PIK3C2G: variants seen among roughly 807,000 people sequenced by gnomAD.
PIK3C2G encodes the protein phosphatidylinositol-4-phosphate 3-kinase catalytic subunit type 2 gamma.
A neutral mutation model predicts 181.1 loss-of-function variants in PIK3C2G; 168 were observed. That is an observed-to-expected ratio of 0.93 (90% CI 0.82 to 1.05). The LOEUF is 1.05. Ranked by LOEUF, PIK3C2G falls within the 50% of genes least tolerant of loss-of-function variation. The probability of loss-of-function intolerance (pLI) is 0.00; values close to 1 mark genes in which losing one functional copy is unlikely to be tolerated. For missense variants in PIK3C2G, 1,869 were observed against 1,732.8 expected (o/e 1.08, Z -1.40); for synonymous variants, 573 against 592.2 (o/e 0.97, Z 0.47).
intron 26 of PIK3C2G, among the ~76,000 whole-genome samples, chr12:18,546,920 G>C (rs1944461398): frequency 6.6e-6 from 1 of 151,940 alleles, no homozygotes; most frequent in Non-Finnish European, 1.5e-5. Context: ...GTAAGAATCT[G>C]GGCAGAATAT....
At chr12:18,485,506 C>T (rs780265859) in intron 18 of PIK3C2G, among the ~76,000 whole-genome samples, 1 of 152,172 alleles carries the variant, frequency 6.6e-6, no homozygotes, top group Non-Finnish European at 1.5e-5. Flanking sequence ...AAACTTAATA[C>T]TGTCAAAATC....
At chr12:18,308,014 G>A (rs2137355446) in intron 5 of PIK3C2G, among the ~76,000 whole-genome samples, 1 of 151,924 alleles carries the variant, frequency 6.6e-6, no homozygotes, top group Middle Eastern at 3.4e-3. Flanking sequence ...TGAAAATCTA[G>A]TGTGTATTTT....
chr12:18,243,774 A>G (rs987598041), upstream of PIK3C2G, among the ~76,000 whole-genome samples: 1 of 151,982 alleles, frequency 6.6e-6, no homozygotes, highest in African/African-American at 2.4e-5. Flanking sequence ...TAAATGTGAC[A>G]CCCAGCTTCA....
At chr12:18,719,953 C>A in the PIK3C2G span, among the ~76,000 whole-genome samples, 1 of 152,050 alleles carries the variant, frequency 6.6e-6, no homozygotes, top group Admixed American at 6.6e-5. Context: ...GACTGGCACA[C>A]AGGTTGAGGA....
chr12:18,571,841 C>A (rs1415670061), intron 29 of PIK3C2G, among the ~76,000 whole-genome samples: 1 of 150,716 alleles, frequency 6.6e-6, no homozygotes, highest in African/African-American at 2.5e-5. Context: ...ATTATTTACA[C>A]TTGCTACTGT....
intron 7 of PIK3C2G, among the ~76,000 whole-genome samples, chr12:18,323,711 C>T (rs1367368935): frequency 6.6e-6 from 1 of 151,990 alleles, no homozygotes; most frequent in African/African-American, 2.4e-5. Flanking sequence ...CTCAGAACAC[C>T]GTATTGGATC....
chr12:18,458,269 T>A (rs1947735762), intron 18 of PIK3C2G, among the ~76,000 whole-genome samples: 1 of 152,164 alleles, frequency 6.6e-6, no homozygotes, highest in African/African-American at 2.4e-5. Flanking sequence ...AATGTTAGTG[T>A]GAAGCAATAA....
chr12:18,449,557 CT>C (rs768828965), intron 18 of PIK3C2G, among the ~76,000 whole-genome samples: 1 of 152,008 alleles, frequency 6.6e-6, no homozygotes, highest in Non-Finnish European at 1.5e-5. Context: ...GGTATTTGGT[CT>C]CCTGTTCCTG....
the PIK3C2G span, chr12:18,688,181 G>A: frequency 0.042 from 66,849 of 1,610,542 alleles, 1,650 homozygotes; most frequent in Non-Finnish European, 0.049. Context: ...TTTGTTAGAT[G>A]ATGAATGAGT....
At chr12:18,244,854 AAAG>A (rs1355854036), upstream of PIK3C2G, among the ~76,000 whole-genome samples, 2 of 152,238 alleles carry the variant, frequency 1.3e-5, no homozygotes, top group East Asian at 1.9e-4. Flanking sequence ...GGCATCTTAA[AAAG>A]AAGAAGGCAC....
intron 18 of PIK3C2G, among the ~76,000 whole-genome samples, chr12:18,470,850 A>C (rs1488700040): frequency 6.6e-6 from 1 of 152,186 alleles, no homozygotes; most frequent in African/African-American, 2.4e-5. Flanking sequence ...TAGTTTCAAA[A>C]ATCAAAATTA....
chr12:18,463,206 G>T (rs947253817), intron 18 of PIK3C2G, among the ~76,000 whole-genome samples: 1 of 151,958 alleles, frequency 6.6e-6, no homozygotes, highest in Admixed American at 6.6e-5. Context: ...TATATCCTAC[G>T]TACCAAAATT....
chr12:18,667,876 C>T, the PIK3C2G span, among the ~76,000 whole-genome samples: 2 of 152,108 alleles, frequency 1.3e-5, no homozygotes, highest in Non-Finnish European at 2.9e-5. Flanking sequence ...AGATTCTGCC[C>T]ATGGTTCTAG....
At chr12:18,399,275 A>G (rs1405484064) in intron 15 of PIK3C2G, among the ~76,000 whole-genome samples, 1 of 151,740 alleles carries the variant, frequency 6.6e-6, no homozygotes, top group Admixed American at 6.6e-5. Context: ...AAAAATAAGA[A>G]AGTAAACGGT....
intron 16 of PIK3C2G, among the ~76,000 whole-genome samples, chr12:18,403,307 A>C (rs1944355250): frequency 6.6e-6 from 1 of 152,186 alleles, no homozygotes; most frequent in South Asian, 2.1e-4. Context: ...CACACTGGAA[A>C]GTTTCTTATC....
chr12:18,629,026 C>A (rs1425724170), intron 31 of PIK3C2G, among the ~76,000 whole-genome samples: 2 of 152,146 alleles, frequency 1.3e-5, no homozygotes, highest in African/African-American at 4.8e-5. Context: ...GTAACAAGAG[C>A]ATTTACATAT....
rs183348350 is a variant in PIK3C2G, at chr12:18,338,643, G to A, written c.1395+95G>A. On this transcript the variant is annotated intron_variant, in intron 9 of 32. Transcript: ENST00000538779. ...ACTTTTTACTAACAACTATATTTCCGTGTGTATGTTTGTGTGTATCTGTGT... is the reference window on the plus strand; with the variant it reads ...ACTTTTTACTAACAACTATATTTCCATGTGTATGTTTGTGTGTATCTGTGT... The A allele has an allele frequency of 4.4e-4, 361 of 814,924 alleles. No individual in the cohort carries two copies. In the Admixed American group the frequency reaches 5.1e-3, roughly 11 times the overall value. The allele number at this position is 814,924 out of a possible 1,614,324, so 50.5% of individuals were successfully genotyped here.
chr12:18,654,486 TGTG>T, the PIK3C2G span, among the ~76,000 whole-genome samples: 1 of 152,080 alleles, frequency 6.6e-6, no homozygotes, highest in Non-Finnish European at 1.5e-5. Flanking sequence ...GTTAAGAAAA[TGTG>T]GTCCGATTTC....
chr12:18,669,315 T>A, the PIK3C2G span, among the ~76,000 whole-genome samples: 1 of 152,138 alleles, frequency 6.6e-6, no homozygotes, highest in Non-Finnish European at 1.5e-5. Flanking sequence ...ATATGTGTGG[T>A]CTCTTGTATT....
Sources: gnomAD v4.1 joint callset for allele counts (sites outside exome capture counted in the v4.1 genomes callset) on GRCh38, gnomAD v4.1.1 for gene constraint, MANE v1.5 for transcripts, NCBI Gene and HGNC (gene_info 2026-07-23, HGNC 2026-07-21) for gene names.